Variants in GAREM2 observed in about 807,000 individuals in gnomAD.
The protein encoded by GAREM2 is GRB2 associated regulator of MAPK1 subtype 2.
In GAREM2, 30 loss-of-function variants were observed where a neutral mutation model predicts 55.6. The observed-to-expected ratio is 0.54, with a 90% CI of 0.40 to 0.73. The LOEUF (loss-of-function observed/expected upper bound fraction) is 0.73, where lower values mean the gene tolerates loss of function less well. GAREM2 is among the 30% of genes least tolerant of loss of function. The pLI, the probability that GAREM2 is intolerant of heterozygous loss-of-function variation, is 0.00. For missense variants in GAREM2, 1,075 were observed against 1,257.7 expected, an observed-to-expected ratio of 0.85 and a Z score of 2.20; for synonymous variants, 550 against 569.1, an observed-to-expected ratio of 0.97 and a Z score of 0.48.
chr2:26,186,928 T>C (rs1473821471), intron 5 of GAREM2, among the ~76,000 whole-genome samples: 3 of 152,140 alleles, frequency 2.0e-5, no homozygotes, highest in African/African-American at 7.2e-5. Context: ...TGAGCCAAGA[T>C]TGCACCACTG....
chr2:26,192,660 C>G (rs772328778), downstream of GAREM2, among the ~76,000 whole-genome samples: 1 of 151,946 alleles, frequency 6.6e-6, no homozygotes, highest in Non-Finnish European at 1.5e-5. Context: ...GCAGGAGGAT[C>G]GCTTGAACCC....
downstream of GAREM2, chr2:26,194,494 T>A (rs17549879): frequency 1.6e-3 from 1,490 of 937,800 alleles, 20 homozygotes; most frequent in East Asian, 0.03. Context: ...AGCTTGGTCC[T>A]TATCTTGACA....
At chr2:26,195,401 T>C in the GAREM2 span, among the ~76,000 whole-genome samples, 97 of 152,152 alleles carry the variant, frequency 6.4e-4, no homozygotes, top group African/African-American at 2.3e-3. Flanking sequence ...AAGTTTAGTA[T>C]GTTTAGGGAG....
At chr2:26,193,862 T>C, downstream of GAREM2, 1 of 993,322 alleles carries the variant, frequency 1.0e-6, no homozygotes, top group African/African-American at 1.6e-5. Flanking sequence ...CACTGCCTTG[T>C]GTAAAACCCA....
chr2:26,187,736 G>C lies in GAREM2; in HGVS notation c.2104G>C (p.Asp702His), dbSNP rs1290044338. Reference sequence around the variant, plus strand: ...GCAGGAACCAGTCCTGGAGCCCTTCGATCCCTTTGAGCTGGGGCAGGGCAG... The same window carrying C: ...GCAGGAACCAGTCCTGGAGCCCTTCCATCCCTTTGAGCTGGGGCAGGGCAG... Reference protein sequence around the residue: ...EWQEPVLEPFDPFELGQGSSP... With the variant: ...EWQEPVLEPFHPFELGQGSSP... The change falls in exon 6 of 6, where the codon GAT becomes CAT. Residue 702 changes from aspartate (D) to histidine (H), a missense_variant. Around this residue, in one of 6 missense-constraint regions of GAREM2, gnomAD observed 515 missense variants for 501.5 expected, o/e 1.03. Coordinates refer to ENST00000401533, the MANE Select transcript of GAREM2 (RefSeq NM_001168241.2). The C allele has an allele frequency of 4.1e-6, 6 of 1,461,226 alleles. No individual in the cohort carries two copies. The highest frequency in any genetic ancestry group is 1.5e-5 in the South Asian group (1 of 68,830). The allele number at this position is 1,461,226 out of a possible 1,614,324, so 90.5% of individuals were successfully genotyped here.
chr2:26,197,883 C>G, the GAREM2 span: 11 of 746,164 alleles, frequency 1.5e-5, no homozygotes, highest in Non-Finnish European at 2.7e-5. Flanking sequence ...CTCTGTCCCC[C>G]ACAACTGCTC....
intron 1 of GAREM2, among the ~76,000 whole-genome samples, chr2:26,174,443 C>A (rs185189367): frequency 1.3e-5 from 2 of 152,362 alleles, no homozygotes; most frequent in East Asian, 3.9e-4. Context: ...TTCTGGGCAG[C>A]TTTTCTGAGC....
At chr2:26,193,829 G>A, downstream of GAREM2, 1 of 1,386,362 alleles carries the variant, frequency 7.2e-7, no homozygotes, top group Non-Finnish European at 1.0e-6. Flanking sequence ...TCCCCCCAAA[G>A]GGCTCCCTGT....
chr2:26,192,813 C>G (rs1669549193), downstream of GAREM2, among the ~76,000 whole-genome samples: 1 of 152,176 alleles, frequency 6.6e-6, no homozygotes, highest in South Asian at 2.1e-4. Context: ...AAGCTCTGGC[C>G]TCTTCTGAAT....
intron 1 of GAREM2, among the ~76,000 whole-genome samples, chr2:26,174,185 C>A (rs140701895): frequency 0.011 from 1,751 of 152,326 alleles, 43 homozygotes; most frequent in African/African-American, 0.038. Flanking sequence ...GCCGCAGGCT[C>A]CTCGTCTCCC....
Position 26,183,080 on chromosome 2 carries a change from A to G in GAREM2, c.367A>G (p.Ile123Val). Reference protein sequence around the residue: ...FPDRIFVMEAITFSVKVVSGE... With the variant: ...FPDRIFVMEAVTFSVKVVSGE... ...TGACCGCATCTTCGTGATGGAAGCC[A>G]TCACCTTCAGCGTCAAGGTCAGTCA... The change falls in exon 3 of 6, where the codon ATC becomes GTC. Residue 123 changes from isoleucine (I) to valine (V), a missense_variant. This residue lies in a region of GAREM2 where 230 missense variants were observed against 310.6 expected (regional missense o/e 0.74). Coordinates refer to ENST00000401533, the MANE Select transcript of GAREM2 (RefSeq NM_001168241.2). 1 of 1,551,726 alleles carries G rather than the reference A, an allele frequency of 6.4e-7. No individual in the cohort carries two copies. Among genetic ancestry groups the G allele is most frequent in the Non-Finnish European group, 8.7e-7 (1 of 1,146,970 alleles).
downstream of GAREM2, chr2:26,193,549 C>T: frequency 6.5e-7 from 1 of 1,546,746 alleles, no homozygotes; most frequent in Non-Finnish European, 8.9e-7. Context: ...ACTAATGGTG[C>T]TAGTTATGTT....
chr2:26,173,601 G>A (rs550397579), intron 1 of GAREM2, among the ~76,000 whole-genome samples: 67 of 152,160 alleles, frequency 4.4e-4, no homozygotes, highest in Admixed American at 2.4e-3. Flanking sequence ...TCCGGAAAGG[G>A]GCCGAGCCCC....
At chr2:26,201,391 G>C in the GAREM2 span, 1 of 1,020,048 alleles carries the variant, frequency 9.8e-7, no homozygotes, top group African/African-American at 1.6e-5. Flanking sequence ...CCATGGGCCA[G>C]AGCACACCTG....
intron 1 of GAREM2, among the ~76,000 whole-genome samples, chr2:26,173,718 C>T (rs1027088201): frequency 2.6e-5 from 4 of 152,050 alleles, no homozygotes; most frequent in Admixed American, 1.3e-4. Context: ...CTCTGTCTTC[C>T]CTCATCCCTG....
Position 26,185,093 on chromosome 2 carries a change from A to G in GAREM2, c.1245A>G (p.Ala415=). ...AGGAGTACGTGAGCCCCGACTGGGC[A>G]GCCGCGCCCGAGCCCGCCGCGCCGC... The part of the protein sequence containing the change: ...GDQEYVSPDW[A]AAPEPAAPPA... The change falls in exon 4 of 6, where the codon GCA becomes GCG. Residue 415 remains alanine (A), a synonymous_variant. Transcript: ENST00000401533. 7.0e-7 allele frequency: 1 copy of G among 1,426,078 alleles called. No individual in the cohort carries two copies. The highest frequency in any genetic ancestry group is 1.4e-5 in the South Asian group (1 of 70,436). 88.3% of individuals were successfully genotyped at this position (1,426,078 alleles called of 1,614,324 possible).
In GAREM2 at chr2:26,173,311, A is replaced by G; in HGVS notation, c.91A>G (p.Thr31Ala). 1 of 1,420,324 alleles carries G rather than the reference A, an allele frequency of 7.0e-7. No individual in the cohort carries two copies. The highest frequency in any genetic ancestry group is 9.2e-7 in the Non-Finnish European group (1 of 1,082,898). 88.0% of individuals were successfully genotyped at this position (1,420,324 alleles called of 1,614,324 possible). The change falls in exon 1 of 6, where the codon ACG (threonine) becomes GCG (alanine). Residue 31 changes from threonine to alanine, a missense_variant. Around this residue, in one of 6 missense-constraint regions of GAREM2, gnomAD observed 230 missense variants for 310.6 expected, o/e 0.74. Coordinates refer to ENST00000401533, the MANE Select transcript of GAREM2 (RefSeq NM_001168241.2). ...CATCGTCAGCCGCTGCCGCCTGCCC[A>G]CGCTCGCCTGCCTTGGGCCAGGTAC... Reference protein sequence around the residue: ...DLIVSRCRLPTLACLGPGEYA... With the variant: ...DLIVSRCRLPALACLGPGEYA...
rs772690014 is a variant in GAREM2, at chr2:26,173,372, G to C, written c.112+40G>C. On this transcript the variant is annotated intron_variant, in intron 1 of 5. Transcript: ENST00000401533. ...GGAGATGGGGACCGGGGTCCGCGGG[G>C]AAATGGTGGGCTCTCCAGCCAGGGG... 7 of 1,155,364 alleles carry C rather than the reference G, an allele frequency of 6.1e-6. No homozygotes were observed. In the South Asian group the frequency reaches 1.4e-4, roughly 23 times the overall value. 71.6% of individuals were successfully genotyped at this position (1,155,364 alleles called of 1,614,324 possible). A position where few individuals can be genotyped will look rare whatever the true frequency, so the allele number is the denominator to read the frequency against.
At chr2:26,191,568 C>T (rs1389958203), downstream of GAREM2, 1 of 1,613,870 alleles carries the variant, frequency 6.2e-7, no homozygotes, top group East Asian at 2.2e-5. Flanking sequence ...CTTGCAGGCA[C>T]ATGACTGCCT....
Sources: allele counts gnomAD v4.1 joint callset (sites outside exome capture counted in the v4.1 genomes callset), GRCh38; gene constraint gnomAD v4.1.1; regional missense constraint gnomAD v4.1.1; transcripts MANE v1.5; gene names NCBI Gene and HGNC (gene_info 2026-07-23, HGNC 2026-07-21).